Variants in PPME1 observed in about 807,000 individuals in gnomAD.
PPME1 encodes the protein protein phosphatase methylesterase 1, also known as testicular secretory protein Li 39.
PPME1 carries 17 observed loss-of-function variants against 56.9 expected under a neutral mutation model. The observed-to-expected ratio is 0.30, with a 90% confidence interval of 0.20 to 0.45. The LOEUF is 0.45. Among genes scored for constraint, PPME1 ranks in the 20% least tolerant of loss-of-function variants. PPME1 has a pLI of 1.00. For synonymous variants in PPME1, 122 were observed against 156.2 expected, an observed-to-expected ratio of 0.78 and a Z score of 1.63; for missense variants, 357 against 483.2, an observed-to-expected ratio of 0.74 and a Z score of 2.45.
chr11:74,184,260 C>T (rs1439526989), intron 1 of PPME1, among the ~76,000 whole-genome samples: 2 of 152,076 alleles, frequency 1.3e-5, no homozygotes, highest in Non-Finnish European at 2.9e-5. Flanking sequence ...TATATAAAAA[C>T]CACTTTTAAT....
intron 1 of PPME1, among the ~76,000 whole-genome samples, chr11:74,187,317 A>G (rs1857710951): frequency 6.6e-6 from 1 of 152,224 alleles, no homozygotes; most frequent in South Asian, 2.1e-4. Flanking sequence ...CTTTGAATCT[A>G]TAGATCAATT....
chr11:74,228,725 T>C (rs1262407841), intron 5 of PPME1, among the ~76,000 whole-genome samples: 1 of 152,214 alleles, frequency 6.6e-6, no homozygotes, highest in African/African-American at 2.4e-5. Flanking sequence ...ATTAATTGAT[T>C]AATACAGAAC....
chr11:74,235,780 C>T, intron 7 of PPME1, 121 bp from the exon 8 acceptor site: 1 of 1,461,134 alleles, frequency 6.8e-7, no homozygotes, highest in Admixed American at 2.1e-5. Flanking sequence ...TAGTAAGAAA[C>T]ACTGGTGATC....
chr11:74,222,267 T>C (rs1565388766), intron 3 of PPME1, 45 bp from the exon 4 acceptor site: 2 of 1,447,030 alleles, frequency 1.4e-6, no homozygotes, highest in South Asian at 2.3e-5. Context: ...TGGGTGAAAT[T>C]TGTTATCCTA....
chr11:74,185,326 A>G (rs1007315444), intron 1 of PPME1, among the ~76,000 whole-genome samples: 2 of 152,118 alleles, frequency 1.3e-5, no homozygotes, highest in Non-Finnish European at 2.9e-5. Flanking sequence ...CTAGATCATC[A>G]TGACATTCAG....
intron 1 of PPME1, among the ~76,000 whole-genome samples, chr11:74,200,374 T>C (rs896531754): frequency 6.6e-6 from 1 of 151,338 alleles, no homozygotes; most frequent in Non-Finnish European, 1.5e-5. Flanking sequence ...TGTGTGTGTG[T>C]GTGTGTGTGT....
intron 1 of PPME1, among the ~76,000 whole-genome samples, chr11:74,181,156 T>C (rs529920382): frequency 6.6e-6 from 1 of 150,762 alleles, no homozygotes; most frequent in African/African-American, 2.4e-5. Flanking sequence ...GCCATTCTCC[T>C]GCCTCAGCCT....
Position 74,231,061 on chromosome 11 carries a change from T to C in PPME1, c.644+59T>C, listed in dbSNP as rs570373992. ...TAATTTGTTTGTTTGTTTGCTTGCTTATTTATTTATTTAGGAGACAAGGCC... is the reference window on the plus strand; with the variant it reads ...TAATTTGTTTGTTTGTTTGCTTGCTCATTTATTTATTTAGGAGACAAGGCC... On this transcript the variant is annotated intron_variant, in intron 7 of 13. Transcript: ENST00000328257. 8.0e-6 allele frequency: 11 copies of C among 1,373,198 alleles called. No homozygotes were observed. In the African/African-American group the frequency reaches 1.6e-4, roughly 20 times the overall value. The allele number at this position is 1,373,198 out of a possible 1,614,324, so 85.1% of individuals were successfully genotyped here. A position where few individuals can be genotyped will look rare whatever the true frequency, so the allele number is the denominator to read the frequency against.
At chr11:74,235,351 G>A (rs974560235) in intron 7 of PPME1, among the ~76,000 whole-genome samples, 1 of 151,858 alleles carries the variant, frequency 6.6e-6, no homozygotes, top group South Asian at 2.1e-4. Context: ...ATTCTGTCAC[G>A]CTCCCCTTTT....
At chr11:74,241,050 A>C (rs1859343681) in intron 9 of PPME1, among the ~76,000 whole-genome samples, 1 of 152,132 alleles carries the variant, frequency 6.6e-6, no homozygotes, top group Non-Finnish European at 1.5e-5. Flanking sequence ...GTATTTTTTT[A>C]TAAGCCCAAT....
chr11:74,251,067 C>T (rs1268941488), intron 12 of PPME1, 49 bp downstream of exon 12: 2 of 1,554,794 alleles, frequency 1.3e-6, no homozygotes, highest in South Asian at 2.4e-5. Flanking sequence ...GAGAATAACC[C>T]TGGATGTCAC....
intron 1 of PPME1, among the ~76,000 whole-genome samples, chr11:74,173,701 C>T (rs1857340852): frequency 6.6e-6 from 1 of 152,082 alleles, no homozygotes; most frequent in African/African-American, 2.4e-5. Flanking sequence ...ACCACCACGC[C>T]CGGCTAATTT....
intron 1 of PPME1, among the ~76,000 whole-genome samples, chr11:74,172,790 A>G (rs1857302473): frequency 6.6e-6 from 1 of 152,222 alleles, no homozygotes; most frequent in African/African-American, 2.4e-5. Flanking sequence ...AGGGCTCCAG[A>G]GTATATTTGG....
At chr11:74,183,515 T>TTA (rs908382867) in intron 1 of PPME1, among the ~76,000 whole-genome samples, 1 of 152,042 alleles carries the variant, frequency 6.6e-6, no homozygotes, top group Non-Finnish European at 1.5e-5. Context: ...TTTATATATA[T>TTA]TATATATATG....
At chr11:74,193,659 T>C (rs1440282071) in intron 1 of PPME1, among the ~76,000 whole-genome samples, 1 of 152,238 alleles carries the variant, frequency 6.6e-6, no homozygotes, top group African/African-American at 2.4e-5. Context: ...TTAACTTTTG[T>C]ATTTTCCATC....
intron 1 of PPME1, among the ~76,000 whole-genome samples, chr11:74,182,547 A>G (rs574628645): frequency 6.6e-6 from 1 of 152,014 alleles, no homozygotes; most frequent in Admixed American, 6.6e-5. Flanking sequence ...TTTAGTAGAG[A>G]CAGGGTTTCA....
intron 3 of PPME1, among the ~76,000 whole-genome samples, chr11:74,216,789 A>G (rs192680731): frequency 6.6e-6 from 1 of 152,310 alleles, no homozygotes; most frequent in African/African-American, 2.4e-5. Flanking sequence ...AAAAGGAGAC[A>G]TTGCACCTGA....
At chr11:74,204,569 C>A in intron 3 of PPME1, 124 bp downstream of exon 3, 1 of 747,222 alleles carries the variant, frequency 1.3e-6, no homozygotes, top group Non-Finnish European at 2.3e-6. Context: ...CAGGCATACA[C>A]ACAGACTGGG....
chr11:74,181,060 C>T (rs1350628287), intron 1 of PPME1, among the ~76,000 whole-genome samples: 13 of 115,902 alleles, frequency 1.1e-4, no homozygotes, highest in African/African-American at 4.1e-4. Flanking sequence ...TTTTTTGAGA[C>T]GGAGTCTCGC....
Sources: gnomAD v4.1 joint callset for allele counts (sites outside exome capture counted in the v4.1 genomes callset) on GRCh38, gnomAD v4.1.1 for gene constraint, MANE v1.5 for transcripts, NCBI Gene and HGNC (gene_info 2026-07-23, HGNC 2026-07-21) for gene names.